The following DLG2 variants were observed in gnomAD, a reference collection of about 807,000 sequenced individuals.
The protein encoded by DLG2 is discs large MAGUK scaffold protein 2, also known as disks large homolog 2.
Under a neutral mutation model 132.5 loss-of-function variants are expected in DLG2, and 45 were observed. The observed-to-expected ratio is 0.34, with a 90% CI of 0.27 to 0.44. DLG2 has a LOEUF of 0.44. Among genes scored for constraint, DLG2 ranks in the 20% least tolerant of loss-of-function variants. DLG2 has a pLI of 1.00. For missense variants in DLG2, 1,045 were observed against 1,196.9 expected, an observed-to-expected ratio of 0.87 and a Z score of 1.87; for synonymous variants, 424 against 419.6, an observed-to-expected ratio of 1.01 and a Z score of -0.13.
At chr11:85,177,512 G>A (rs960312381) in intron 4 of DLG2, among the ~76,000 whole-genome samples, 1 of 152,028 alleles carries the variant, frequency 6.6e-6, no homozygotes, top group Non-Finnish European at 1.5e-5. Context: ...ACACACTGGG[G>A]CCTTACAGTG....
intron 3 of DLG2, among the ~76,000 whole-genome samples, chr11:85,538,532 C>T (rs1449460960): frequency 6.6e-6 from 1 of 151,900 alleles, no homozygotes. Flanking sequence ...TATAAAGATA[C>T]ATGCATCCAT....
intron 3 of DLG2, among the ~76,000 whole-genome samples, chr11:85,455,056 A>G (rs2433016): frequency 0.89 from 134,941 of 152,192 alleles, 60,066 homozygotes; most frequent in Non-Finnish European, 0.92. Context: ...CTAATTCTGT[A>G]AAGAATGTCA....
intron 14 of DLG2, among the ~76,000 whole-genome samples, chr11:83,960,995 G>C (rs2088565962): frequency 6.6e-6 from 1 of 151,956 alleles, no homozygotes; most frequent in East Asian, 1.9e-4. Flanking sequence ...GCAGGGGCAG[G>C]ATCTAAGATA....
intron 19 of DLG2, among the ~76,000 whole-genome samples, chr11:83,548,333 CAT>C (rs774178214): frequency 6.6e-6 from 1 of 152,064 alleles, no homozygotes; most frequent in Non-Finnish European, 1.5e-5. Flanking sequence ...AGTCTAATCA[CAT>C]GAGTCCTTAA....
At chr11:85,245,453 T>C (rs894497921) in intron 4 of DLG2, among the ~76,000 whole-genome samples, 5 of 151,884 alleles carry the variant, frequency 3.3e-5, no homozygotes, top group African/African-American at 9.7e-5. Flanking sequence ...TATTTTGACT[T>C]TACCTTCAGA....
chr11:85,623,355 A>G (rs1362225312), intron 2 of DLG2, among the ~76,000 whole-genome samples: 3 of 151,906 alleles, frequency 2.0e-5, no homozygotes, highest in Non-Finnish European at 4.4e-5. Flanking sequence ...GCCAAGTTGG[A>G]GTGCAGCGGC....
intron 7 of DLG2, among the ~76,000 whole-genome samples, chr11:84,278,098 G>C (rs1376167787): frequency 1.5e-5 from 2 of 132,698 alleles, no homozygotes; most frequent in African/African-American, 2.9e-5. Flanking sequence ...TTGTTGCCCA[G>C]GCTGGTCCTG....
intron 6 of DLG2, among the ~76,000 whole-genome samples, chr11:85,063,570 T>C (rs571532857): frequency 1.5e-3 from 228 of 151,940 alleles, no homozygotes; most frequent in Non-Finnish European, 2.8e-3. Context: ...ACTTATATGG[T>C]TATTGGCTTA....
chr11:84,659,344 G>A (rs1014157886), intron 6 of DLG2, among the ~76,000 whole-genome samples: 2 of 151,960 alleles, frequency 1.3e-5, no homozygotes, highest in African/African-American at 4.8e-5. Flanking sequence ...CACTAGGTCT[G>A]CTATAATGCC....
intron 4 of DLG2, among the ~76,000 whole-genome samples, chr11:85,232,870 C>A (rs1328861633): frequency 6.6e-6 from 1 of 151,898 alleles, no homozygotes; most frequent in Admixed American, 6.6e-5. Flanking sequence ...TAATTCATGG[C>A]ACTTTGCAGA....
intron 4 of DLG2, among the ~76,000 whole-genome samples, chr11:85,257,205 C>A (rs1231530216): frequency 1.3e-5 from 2 of 152,062 alleles, no homozygotes; most frequent in Admixed American, 6.5e-5. Context: ...GGCAAAAAAT[C>A]ATTACAGCTG....
At chr11:84,502,042 CTTTCTTTTCTTTTCTTTT>C (rs1305595421) in intron 7 of DLG2, among the ~76,000 whole-genome samples, 2 of 151,782 alleles carry the variant, frequency 1.3e-5, no homozygotes, top group Admixed American at 6.6e-5. Flanking sequence ...TTTTCTTTGC[CTTTCTTTTCTTTTCTTTT>C]TTTCTTTTCT....
rs34648391 is a variant in DLG2, at chr11:83,848,124, C to CTT, written c.1566-14356_1566-14355dup. ...CTCCATCTAAACTAGTCCCCCACACCTTTTTTTTTTTTTTTTTTAATCACG... is the reference window on the plus strand; with the variant it reads ...CTCCATCTAAACTAGTCCCCCACACCTTTTTTTTTTTTTTTTTTTTAATCACG... On this transcript the variant is annotated intron_variant, in intron 16 of 27. Transcript: ENST00000376104. 4.2e-3 allele frequency among the ~76,000 whole-genome samples: 557 copies of CTT among 132,804 alleles called. 6 individuals are homozygous for CTT. The highest frequency in any genetic ancestry group is 4.9e-3 in the African/African-American group (172 of 35,350). 87.1% of individuals were successfully genotyped at this position (132,804 alleles called of 152,430 possible).
At chr11:84,468,060 A>C (rs2099099167) in intron 7 of DLG2, among the ~76,000 whole-genome samples, 1 of 151,558 alleles carries the variant, frequency 6.6e-6, no homozygotes, top group African/African-American at 2.4e-5. Flanking sequence ...CCTACTTTGC[A>C]GTTTTATAAT....
At chr11:84,189,365 T>G (rs746607470) in intron 8 of DLG2, among the ~76,000 whole-genome samples, 3 of 152,218 alleles carry the variant, frequency 2.0e-5, no homozygotes, top group Non-Finnish European at 2.9e-5. Context: ...GGTACGCTTT[T>G]ACACTATTGG....
chr11:83,684,806 C>T (rs1374310784), intron 18 of DLG2, among the ~76,000 whole-genome samples: 4 of 152,198 alleles, frequency 2.6e-5, no homozygotes, highest in East Asian at 3.9e-4. Flanking sequence ...TGCTACCTGG[C>T]TATACCACCA....
At chr11:84,381,270 T>A (rs957306132) in intron 7 of DLG2, among the ~76,000 whole-genome samples, 2 of 152,064 alleles carry the variant, frequency 1.3e-5, no homozygotes, top group Non-Finnish European at 2.9e-5. Flanking sequence ...TAGACCCAGA[T>A]AGTTTTACAG....
chr11:85,580,086 G>A (rs1027272097), intron 3 of DLG2, among the ~76,000 whole-genome samples: 5 of 152,030 alleles, frequency 3.3e-5, no homozygotes, highest in Admixed American at 2.0e-4. Flanking sequence ...TTATAAAGAG[G>A]AGTCCCACTG....
At chr11:84,471,069 T>C (rs2099107199) in intron 7 of DLG2, among the ~76,000 whole-genome samples, 1 of 151,712 alleles carries the variant, frequency 6.6e-6, no homozygotes, top group African/African-American at 2.4e-5. Context: ...CAAGACCATC[T>C]CAAACTCTTG....
Sources: gnomAD v4.1 joint callset for allele counts (sites outside exome capture counted in the v4.1 genomes callset) on GRCh38, gnomAD v4.1.1 for gene constraint, MANE v1.5 for transcripts, NCBI Gene and HGNC (gene_info 2026-07-23, HGNC 2026-07-21) for gene names.